The following EFCAB13 variants were observed in gnomAD, a reference collection of about 807,000 sequenced individuals.
EFCAB13 encodes the protein EF-hand calcium-binding domain-containing protein 13.
A neutral mutation model predicts 110.2 loss-of-function variants in EFCAB13; 91 were observed. The ratio of observed to expected loss-of-function variants is 0.83; its 90% CI spans 0.70 to 0.98. The LOEUF is 0.98. Ranked by LOEUF, EFCAB13 falls within the 50% of genes least tolerant of loss-of-function variation. EFCAB13 has a pLI of 0.00. For synonymous variants in EFCAB13, 323 were observed against 369.9 expected (o/e 0.87, Z 1.45); for missense variants, 968 against 1,119.4 (o/e 0.86, Z 1.93).
intron 24 of EFCAB13, chr17:47,430,423 C>G: frequency 6.3e-6 from 1 of 158,684 alleles, no homozygotes; most frequent in Non-Finnish European, 1.4e-5. Flanking sequence ...GAATATTATC[C>G]ATGATGGGTT....
At chr17:47,337,723 A>G (rs1189632143) in intron 5 of EFCAB13, among the ~76,000 whole-genome samples, 4 of 152,220 alleles carry the variant, frequency 2.6e-5, no homozygotes, top group Non-Finnish European at 4.4e-5. Context: ...GAGAGGTTCA[A>G]TATTTTAAAG....
At chr17:47,437,854 C>T (rs956516322) in intron 24 of EFCAB13, among the ~76,000 whole-genome samples, 6 of 151,906 alleles carry the variant, frequency 3.9e-5, no homozygotes, top group African/African-American at 1.5e-4. Context: ...TGCTTTTTAA[C>T]TTGTATTTTT....
chr17:47,402,175 G>T lies in EFCAB13; in HGVS notation c.1989G>T (p.Arg663Ser). The T allele has an allele frequency of 6.2e-7, 1 of 1,613,912 alleles. No homozygotes were observed. The highest frequency in any genetic ancestry group is 1.7e-4 in the Middle Eastern group (1 of 6,058). ...TTGAAGAATTTGCAAAAGTAGTAAG[G>T]AATATGCGTGATGCTGCCAGGTTAG... ...VQFEEFAKVV[R>S]NMRDAARLEE... The change falls in exon 18 of 25, where the codon AGG becomes AGT. Residue 663 changes from arginine to serine, a missense_variant. Arg to Ser is a moderately radical substitution (Grantham distance 110, BLOSUM62 -1). Coordinates refer to ENST00000331493, the MANE Select transcript of EFCAB13 (RefSeq NM_152347.5).
intron 23 of EFCAB13, among the ~76,000 whole-genome samples, chr17:47,429,205 T>G (rs1050060276): frequency 2.6e-5 from 4 of 152,212 alleles, no homozygotes; most frequent in Admixed American, 2.6e-4. Flanking sequence ...AATATTAATA[T>G]CCAGTGAATT....
chr17:47,421,946 T>A (rs1458176804), intron 23 of EFCAB13, among the ~76,000 whole-genome samples: 8 of 152,182 alleles, frequency 5.3e-5, no homozygotes, highest in Admixed American at 5.2e-4. Flanking sequence ...GGAAGAACAT[T>A]TCCAACCTCA....
intron 10 of EFCAB13, among the ~76,000 whole-genome samples, chr17:47,364,677 AC>A (rs1363172667): frequency 3.3e-5 from 5 of 152,238 alleles, no homozygotes; most frequent in African/African-American, 1.2e-4. Flanking sequence ...TAACAAGTAT[AC>A]CCCTGTCCAC....
At chr17:47,370,550 TAA>T in intron 11 of EFCAB13, 42 bp downstream of exon 11, 1 of 1,323,700 alleles carries the variant, frequency 7.6e-7, no homozygotes, top group South Asian at 1.3e-5. Flanking sequence ...TGTTTATAAT[TAA>T]AGTCTTTACA....
At chr17:47,340,766 A>ATT (rs58304526) in intron 5 of EFCAB13, among the ~76,000 whole-genome samples, 1,521 of 54,024 alleles carry the variant, frequency 0.028, 51 homozygotes, top group Admixed American at 0.058. Context: ...CACCTGGCTA[A>ATT]TTTTTTTTTT....
chr17:47,420,717 C>T (rs1904646204), intron 23 of EFCAB13, among the ~76,000 whole-genome samples: 1 of 151,774 alleles, frequency 6.6e-6, no homozygotes, highest in East Asian at 1.9e-4. Context: ...CCGGCAGCCG[C>T]CCCATCTGAG....
intron 20 of EFCAB13, among the ~76,000 whole-genome samples, chr17:47,404,954 A>G (rs571701371): frequency 1.3e-5 from 2 of 152,270 alleles, no homozygotes; most frequent in African/African-American, 2.4e-5. Flanking sequence ...CAGGAATGTA[A>G]GAAGTATAAA....
chr17:47,357,551 A>T (rs943479417), intron 9 of EFCAB13, among the ~76,000 whole-genome samples: 4 of 152,174 alleles, frequency 2.6e-5, no homozygotes, highest in Non-Finnish European at 5.9e-5. Context: ...AGTAGCTGGG[A>T]TTACAAGCGC....
chr17:47,438,258 C>G (rs1461789349), intron 24 of EFCAB13, among the ~76,000 whole-genome samples: 3 of 152,204 alleles, frequency 2.0e-5, no homozygotes, highest in African/African-American at 7.2e-5. Context: ...GACAATGTGC[C>G]TAGGCGAAGA....
chr17:47,401,640 C>CTTTTTTTT (rs763737651), intron 17 of EFCAB13, among the ~76,000 whole-genome samples: 2 of 84,524 alleles, frequency 2.4e-5, no homozygotes, highest in African/African-American at 4.8e-5. Context: ...CTCAGCCTGA[C>CTTTTTTTT]TTTTTTTTTT....
intron 17 of EFCAB13, among the ~76,000 whole-genome samples, chr17:47,401,014 C>T (rs917258670): frequency 6.6e-6 from 1 of 152,182 alleles, no homozygotes; most frequent in South Asian, 2.1e-4. Context: ...CCTTCTCTAC[C>T]GTTTCTCCCA....
chr17:47,426,815 A>G (rs1480757799), intron 23 of EFCAB13, among the ~76,000 whole-genome samples: 1 of 152,152 alleles, frequency 6.6e-6, no homozygotes, highest in East Asian at 1.9e-4. Context: ...ACTTCTTTGG[A>G]TTTTAGATTC....
At chr17:47,432,443 T>TAAATAAATAAA (rs35785822) in intron 24 of EFCAB13, among the ~76,000 whole-genome samples, 1 of 150,818 alleles carries the variant, frequency 6.6e-6, no homozygotes, top group Admixed American at 6.6e-5. Flanking sequence ...AATAAATAAA[T>TAAATAAATAAA]TAGCTCGGTG....
intron 9 of EFCAB13, among the ~76,000 whole-genome samples, chr17:47,357,313 TACTA>T (rs1178734242): frequency 6.6e-6 from 1 of 152,238 alleles, no homozygotes; most frequent in Non-Finnish European, 1.5e-5. Context: ...TGTGAGTGTC[TACTA>T]ACTGACTACT....
At chr17:47,348,100 C>T in intron 9 of EFCAB13, 149 bp downstream of exon 9, 1 of 613,438 alleles carries the variant, frequency 1.6e-6, no homozygotes, top group Non-Finnish European at 2.4e-6. Context: ...AACATTTTTA[C>T]ATGTTACAAG....
chr17:47,336,399 C>T (rs1399353880), intron 5 of EFCAB13, among the ~76,000 whole-genome samples: 3 of 151,316 alleles, frequency 2.0e-5, no homozygotes, highest in Admixed American at 6.6e-5. Context: ...TCAAGCCATT[C>T]TCCTGCCTCA....
Sources: allele counts gnomAD v4.1 joint callset (sites outside exome capture counted in the v4.1 genomes callset), GRCh38; gene constraint gnomAD v4.1.1; transcripts MANE v1.5; gene names NCBI Gene and HGNC (gene_info 2026-07-23, HGNC 2026-07-21).